TRDN: variants seen among roughly 807,000 people sequenced by gnomAD.
TRDN encodes the protein triadin in skeletal muscle.
Under a neutral mutation model 149.7 loss-of-function variants are expected in TRDN, and 161 were observed. The ratio of observed to expected loss-of-function variants is 1.08; its 90% CI spans 0.95 to 1.23. The LOEUF is 1.23. Among genes scored for constraint, TRDN ranks in the 50% most tolerant of loss-of-function variants. The pLI, the probability that TRDN is intolerant of heterozygous loss-of-function variation, is 0.00. For missense variants in TRDN, 896 were observed against 823.5 expected (o/e 1.09, Z -1.08); for synonymous variants, 294 against 250.5 (o/e 1.17, Z -1.64).
At chr6:123,575,063 AATAG>A (rs1031176516) in intron 1 of TRDN, among the ~76,000 whole-genome samples, 1 of 151,640 alleles carries the variant, frequency 6.6e-6, no homozygotes. Context: ...ACAATTTTTA[AATAG>A]ATGAAAATGA....
chr6:123,464,428 G>A lies in TRDN; in HGVS notation c.931+478C>T, dbSNP rs775789516. The A allele has an allele frequency of 6.0e-5, 57 of 952,432 alleles. 1 individual carries two copies. Among genetic ancestry groups the A allele is most frequent in the East Asian group, 1.1e-4 (1 of 9,198 alleles). 59.0% of individuals were successfully genotyped at this position (952,432 alleles called of 1,614,324 possible). ...TATATATTTCAATCCTCACAATAACGCTAGGAGATCAGTGCTCTGCTTATA... is the reference window on the plus strand; with the variant it reads ...TATATATTTCAATCCTCACAATAACACTAGGAGATCAGTGCTCTGCTTATA... On this transcript the variant is annotated intron_variant, in intron 10 of 40. Transcript: ENST00000334268.
intron 9 of TRDN, among the ~76,000 whole-genome samples, chr6:123,489,158 C>T (rs890514877): frequency 4.6e-5 from 7 of 152,186 alleles, no homozygotes; most frequent in Admixed American, 4.6e-4. Context: ...TCCATACCAT[C>T]TTCTTTGGTC....
At chr6:123,223,971 A>C (rs1481735122) in intron 39 of TRDN, 122 bp downstream of exon 39, 4 of 768,714 alleles carry the variant, frequency 5.2e-6, no homozygotes, top group Admixed American at 2.9e-5. Context: ...CTACCATGTA[A>C]ATGTTGCCTA....
At chr6:123,352,073 A>G (rs1407358248) in intron 21 of TRDN, 21 of 966,614 alleles carry the variant, frequency 2.2e-5, no homozygotes, top group South Asian at 4.8e-5. Flanking sequence ...AGTATATATC[A>G]TAATATACTC....
At chr6:123,234,201 A>C (rs1053604560) in intron 38 of TRDN, among the ~76,000 whole-genome samples, 3 of 152,062 alleles carry the variant, frequency 2.0e-5, no homozygotes, top group Admixed American at 6.6e-5. Context: ...ATTTAGTGCT[A>C]ATTTGTTTAG....
chr6:123,522,082 C>G (rs945962940), intron 5 of TRDN, among the ~76,000 whole-genome samples: 1 of 152,170 alleles, frequency 6.6e-6, no homozygotes, highest in Non-Finnish European at 1.5e-5. Context: ...CGCTGTCTAG[C>G]CCACTCTGAA....
intron 23 of TRDN, among the ~76,000 whole-genome samples, chr6:123,319,180 G>A (rs1779147166): frequency 6.6e-6 from 1 of 151,852 alleles, no homozygotes; most frequent in Admixed American, 6.6e-5. Context: ...TTTAAATTAT[G>A]CTCATAAACT....
intron 24 of TRDN, among the ~76,000 whole-genome samples, chr6:123,315,028 T>C (rs555749842): frequency 6.6e-6 from 1 of 152,014 alleles, no homozygotes; most frequent in African/African-American, 2.4e-5. Context: ...AATAATAAAA[T>C]AGACATAAAT....
intron 1 of TRDN, among the ~76,000 whole-genome samples, chr6:123,609,738 C>T (rs1449553551): frequency 6.6e-6 from 1 of 152,134 alleles, no homozygotes; most frequent in Non-Finnish European, 1.5e-5. Context: ...TTGTCCCTAG[C>T]CTATGGGCTG....
In TRDN at chr6:123,483,252, G is replaced by T. The variant is rs545890946; in HGVS notation, c.853+13941C>A. On this transcript the variant is annotated intron_variant, in intron 9 of 40. Transcript: ENST00000334268. ...CTAGTAGCTGGGACTACAGGCGTGT[G>T]CCACCATGCCAGGCTAATTTTTTGT... Among the ~76,000 whole-genome samples, 347 of 151,356 alleles carry T rather than the reference G, an allele frequency of 2.3e-3. 1 individual carries two copies. The highest frequency in any genetic ancestry group is 3.8e-3 in the Non-Finnish European group (256 of 67,900).
chr6:123,572,492 A>G (rs1172857370), intron 1 of TRDN, among the ~76,000 whole-genome samples: 1 of 152,116 alleles, frequency 6.6e-6, no homozygotes, highest in Non-Finnish European at 1.5e-5. Context: ...TCTGGGCTAC[A>G]CTTGACTCGT....
In TRDN at chr6:123,425,886, CATCT is replaced by C. The variant is rs373811839; in HGVS notation, c.1051+12173_1051+12176del. Among the ~76,000 whole-genome samples, 583 of 151,984 alleles carry C rather than the reference CATCT, an allele frequency of 3.8e-3. 4 individuals carry two copies. Among genetic ancestry groups the C allele is most frequent in the Admixed American group, 5.2e-3 (79 of 15,232 alleles). On this transcript the variant is annotated intron_variant, in intron 12 of 40. Transcript: ENST00000334268. The stretch of plus-strand genomic sequence containing the variant: ...ATAATATACATATCTATCTATCTAT[CATCT>C]ATCTATCTATCTATCTATCATCTAT...
chr6:123,307,794 T>C (rs1187400144), intron 24 of TRDN, among the ~76,000 whole-genome samples: 1 of 152,060 alleles, frequency 6.6e-6, no homozygotes, highest in Non-Finnish European at 1.5e-5. Flanking sequence ...TCACTAGTTA[T>C]TTTGCTTTTC....
chr6:123,569,529 G>A (rs1255922260), intron 2 of TRDN, among the ~76,000 whole-genome samples: 1 of 152,146 alleles, frequency 6.6e-6, no homozygotes, highest in Non-Finnish European at 1.5e-5. Flanking sequence ...TTGCTATAAA[G>A]AAATACTTAA....
chr6:123,552,115 T>C (rs919414921), intron 2 of TRDN, among the ~76,000 whole-genome samples: 1 of 152,120 alleles, frequency 6.6e-6, no homozygotes, highest in African/African-American at 2.4e-5. Flanking sequence ...TTATATGAGA[T>C]AAGAAATGTT....
intron 2 of TRDN, among the ~76,000 whole-genome samples, chr6:123,557,328 T>G (rs2114479695): frequency 6.6e-6 from 1 of 152,188 alleles, no homozygotes; most frequent in Admixed American, 6.5e-5. Flanking sequence ...CCTCCTACTC[T>G]TTGCTCTGTG....
At chr6:123,477,374 C>G (rs1187835423) in intron 9 of TRDN, among the ~76,000 whole-genome samples, 1 of 147,348 alleles carries the variant, frequency 6.8e-6, no homozygotes. Context: ...CATCTCACAC[C>G]AGTTAGAATG....
chr6:123,373,549 G>T (rs770086713), intron 19 of TRDN, among the ~76,000 whole-genome samples: 2 of 152,038 alleles, frequency 1.3e-5, no homozygotes, highest in African/African-American at 4.8e-5. Context: ...GTGATTTCGG[G>T]TGTTTCCTCA....
chr6:123,523,362 G>C (rs934242619), intron 5 of TRDN, among the ~76,000 whole-genome samples: 1 of 152,132 alleles, frequency 6.6e-6, no homozygotes, highest in Non-Finnish European at 1.5e-5. Flanking sequence ...AGGGTGGCAG[G>C]GAGGAGGAGG....
Sources: gnomAD v4.1 joint callset for allele counts (sites outside exome capture counted in the v4.1 genomes callset) on GRCh38, gnomAD v4.1.1 for gene constraint, MANE v1.5 for transcripts, NCBI Gene and HGNC (gene_info 2026-07-23, HGNC 2026-07-21) for gene names.